CELSR1: variants seen among roughly 807,000 people sequenced by gnomAD.
CELSR1 encodes cadherin EGF LAG seven-pass G-type receptor 1.
Under a neutral mutation model 249.1 loss-of-function variants are expected in CELSR1, and 110 were observed. The observed-to-expected ratio is 0.44, with a 90% CI of 0.38 to 0.52. CELSR1 has a LOEUF of 0.52. Among genes scored for constraint, CELSR1 ranks in the 20% least tolerant of loss-of-function variants. The probability of loss-of-function intolerance (pLI) is 0.00; values close to 1 mark genes in which losing one functional copy is unlikely to be tolerated. For synonymous variants in CELSR1, 2,113 were observed against 1,900.0 expected (o/e 1.11, Z -2.92); for missense variants, 4,109 against 4,296.4 (o/e 0.96, Z 1.22).
At chr22:46,432,359 TAGA>T (rs1434057228) in intron 5 of CELSR1, among the ~76,000 whole-genome samples, 1 of 152,122 alleles carries the variant, frequency 6.6e-6, no homozygotes, top group African/African-American at 2.4e-5. Context: ...GCTCTCTCCA[TAGA>T]AGGACTGGGT....
chr22:46,524,231 C>A (rs1408339765), intron 1 of CELSR1, among the ~76,000 whole-genome samples: 1 of 152,222 alleles, frequency 6.6e-6, no homozygotes, highest in African/African-American at 2.4e-5. Context: ...TGAGACGATG[C>A]AGGCACAGAC....
At chr22:46,524,989 C>T (rs948495896) in intron 1 of CELSR1, among the ~76,000 whole-genome samples, 1 of 152,148 alleles carries the variant, frequency 6.6e-6, no homozygotes, top group Non-Finnish European at 1.5e-5. Flanking sequence ...TAATCCACAC[C>T]GCCTACCAGG....
intron 1 of CELSR1, among the ~76,000 whole-genome samples, chr22:46,522,033 T>C (rs1487930113): frequency 6.6e-6 from 1 of 152,210 alleles, no homozygotes; most frequent in Non-Finnish European, 1.5e-5. Flanking sequence ...TTGACCACAG[T>C]CATCCTAATG....
At chr22:46,475,213 G>C (rs1354980751) in intron 1 of CELSR1, among the ~76,000 whole-genome samples, 1 of 152,056 alleles carries the variant, frequency 6.6e-6, no homozygotes, top group Non-Finnish European at 1.5e-5. Flanking sequence ...AGCATTAGAT[G>C]AGTCAGGATA....
chr22:46,435,911 G>T (rs1281477073), intron 4 of CELSR1, among the ~76,000 whole-genome samples: 1 of 151,864 alleles, frequency 6.6e-6, no homozygotes, highest in Non-Finnish European at 1.5e-5. Flanking sequence ...ATGTTGGTCA[G>T]GCTGGTCTCG....
Position 46,536,675 on chromosome 22 carries a change from A to G in CELSR1, c.496T>C (p.Cys166Arg). Reference sequence around the variant, plus strand: ...GGCAGGCAGATGGGACGGCCGGGACAGCGGGGCCTGGGGCGCGGCGGGCAG... The same window carrying G: ...GGCAGGCAGATGGGACGGCCGGGACGGCGGGGCCTGGGGCGCGGCGGGCAG... ...CRCPPRPRPR[C>R]PGRPICLPPG... Residue 166 changes from cysteine to arginine, a missense_variant, in exon 1 of 35, where the codon TGT becomes CGT. Cys to Arg is a radical substitution (Grantham distance 180, BLOSUM62 -3). Around this residue, in one of 7 missense-constraint regions of CELSR1, gnomAD observed 673 missense variants for 636.8 expected, o/e 1.06. Coordinates refer to ENST00000674500, the MANE Select transcript of CELSR1 (RefSeq NM_001378328.1). 2 of 1,158,550 alleles carry G rather than the reference A, an allele frequency of 1.7e-6. No individual in the cohort carries two copies. The highest frequency in any genetic ancestry group is 2.1e-6 in the Non-Finnish European group (2 of 943,234). 71.8% of individuals were successfully genotyped at this position (1,158,550 alleles called of 1,614,324 possible).
rs2079572960 is a variant in CELSR1, at chr22:46,429,710, A to C, written c.4611+3683T>G. 2.0e-5 allele frequency among the ~76,000 whole-genome samples: 3 copies of C among 152,148 alleles called. No homozygotes were observed. Among genetic ancestry groups the C allele is most frequent in the Admixed American group, 1.3e-4 (2 of 15,270 alleles). The stretch of plus-strand genomic sequence containing the variant: ...GGGAGCCAGACGGGAGGATAGAGTG[A>C]GGGAGGGGAGGGGTGTCAGGAGGGT... On this transcript the variant is annotated intron_variant, in intron 5 of 34. Transcript: ENST00000674500. The surrounding 1 kb of genome is among the most constrained non-coding windows in gnomAD (Gnocchi z 4.1).
rs538085287 is a variant in CELSR1 at position 46,374,483 on chromosome 22, T to A, written c.7585-1426A>T. Among the ~76,000 whole-genome samples the A allele has an allele frequency of 2.0e-5, 3 of 152,016 alleles. No homozygotes were observed. The highest frequency in any genetic ancestry group is 7.2e-5 in the African/African-American group (3 of 41,380). ...TGAAAAACCTCGCCCAGAGATAGGA[T>A]TGTGGGTTTACAAAAAAACCATAAA... On this transcript the variant is annotated intron_variant, in intron 24 of 34. Coordinates refer to ENST00000674500, the MANE Select transcript of CELSR1 (RefSeq NM_001378328.1). This position sits in a 1 kb window ranked among gnomAD's most constrained non-coding sequence, Gnocchi z 4.3.
rs1450706160 is a variant in CELSR1, at chr22:46,436,314, C to T, written c.4407-25G>A. 1 of 1,592,576 alleles carries T rather than the reference C, an allele frequency of 6.3e-7. No individual in the cohort carries two copies. The highest frequency in any genetic ancestry group is 8.6e-7 in the Non-Finnish European group (1 of 1,161,042). On this transcript the variant is annotated intron_variant, in intron 3 of 34. Coordinates refer to ENST00000674500, the MANE Select transcript of CELSR1 (RefSeq NM_001378328.1). This position sits in a 1 kb window ranked among gnomAD's most constrained non-coding sequence, Gnocchi z 5.9. Reference sequence around the variant, plus strand: ...CCTGTGGGGCCAAGCAGAGGCACATCACAGGATGAAGACCCCAGGGTCCAA... The same window carrying T: ...CCTGTGGGGCCAAGCAGAGGCACATTACAGGATGAAGACCCCAGGGTCCAA...
rs751790068 is a variant in CELSR1 at position 46,534,550 on chromosome 22, T to G, written c.2621A>C (p.Asp874Ala). Residue 874 changes from aspartate (D) to alanine (A), a missense_variant, in exon 1 of 35, where the codon GAC becomes GCC. Physicochemically the swap from Asp to Ala is moderately radical, Grantham distance 126. Transcript: ENST00000674500. The surrounding 1 kb of genome is among the most constrained non-coding windows in gnomAD (Gnocchi z 9.7). ...GATGAGGATCTCTAGGGTGGTGGTG[T>G]CTGATTTCTGCGGGATGCCGTTGTC... ...AQDNGIPQKS[D>A]TTTLEILILD... 1.7e-5 allele frequency: 28 copies of G among 1,613,522 alleles called. No individual in the cohort carries two copies. Among genetic ancestry groups the G allele is most frequent in the South Asian group, 9.9e-5 (9 of 91,078 alleles).
rs561256070 is a variant in CELSR1, at chr22:46,501,526, C to T, written c.3544+32101G>A. Among the ~76,000 whole-genome samples, 3 of 152,152 alleles carry T rather than the reference C, an allele frequency of 2.0e-5. No homozygotes were observed. In the East Asian group the frequency reaches 5.8e-4, roughly 29 times the overall value. On this transcript the variant is annotated intron_variant, in intron 1 of 34. Transcript: ENST00000674500. The stretch of plus-strand genomic sequence containing the variant: ...CTGCCCCACTAAGAAAAGTTTTAAA[C>T]AGACATTTAAATAAGCTAATAGGAG...
chr22:46,379,621 T>C (rs2078955240), intron 22 of CELSR1, among the ~76,000 whole-genome samples: 1 of 152,220 alleles, frequency 6.6e-6, no homozygotes, highest in Non-Finnish European at 1.5e-5. Context: ...TGGTTGCTTA[T>C]TAACTAGAAC....
At chr22:46,365,097 C>G in intron 32 of CELSR1, 134 bp downstream of exon 32, 1 of 1,284,338 alleles carries the variant, frequency 7.8e-7, no homozygotes, top group Non-Finnish European at 1.0e-6. Flanking sequence ...AGTCCCCCCA[C>G]CCCAGGCTGT....
rs1348944060 is a variant in CELSR1, at chr22:46,380,450, C to T, written c.7256+338G>A. Among the ~76,000 whole-genome samples, 2 of 152,248 alleles carry T rather than the reference C, an allele frequency of 1.3e-5. No individual in the cohort carries two copies. The highest frequency in any genetic ancestry group is 6.5e-5 in the Admixed American group (1 of 15,292). On this transcript the variant is annotated intron_variant, in intron 22 of 34. Coordinates refer to ENST00000674500, the MANE Select transcript of CELSR1 (RefSeq NM_001378328.1). The surrounding 1 kb of genome is among the most constrained non-coding windows in gnomAD (Gnocchi z 5.1). ...TGGGCCTGTCTTATCCGGCGGTGAA[C>T]TGGGCACTACACTAGTGTTGGCCGC...
intron 1 of CELSR1, among the ~76,000 whole-genome samples, chr22:46,522,583 C>T (rs926121699): frequency 6.6e-6 from 1 of 152,082 alleles, no homozygotes; most frequent in African/African-American, 2.4e-5. Context: ...GATATTAATC[C>T]CTTATCACAT....
chr22:46,460,769 G>A (rs1190546729), intron 2 of CELSR1, among the ~76,000 whole-genome samples: 1 of 152,130 alleles, frequency 6.6e-6, no homozygotes, highest in Non-Finnish European at 1.5e-5. Context: ...CAGTCCCAAC[G>A]CCGTGAGCGG....
intron 1 of CELSR1, chr22:46,530,298 C>T (rs937267526): frequency 2.6e-5 from 4 of 151,014 alleles, no homozygotes; most frequent in Admixed American, 2.0e-4. Context: ...TATATATACA[C>T]ACACATAAAT....
At chr22:46,366,158 T>G (rs1387065443) in intron 30 of CELSR1, among the ~76,000 whole-genome samples, 1 of 4,552 alleles carries the variant, frequency 2.2e-4, no homozygotes, top group Non-Finnish European at 3.5e-4. Flanking sequence ...TTGGGGGAAG[T>G]TGGTGGGGGA....
At chr22:46,369,069 T>A in intron 27 of CELSR1, 110 bp downstream of exon 27, 5 of 889,972 alleles carry the variant, frequency 5.6e-6, no homozygotes, top group African/African-American at 1.7e-5. Flanking sequence ...CCCCCAGCCC[T>A]CCTCCATGAG....
Sources: allele counts gnomAD v4.1 joint callset (sites outside exome capture counted in the v4.1 genomes callset), GRCh38; gene constraint gnomAD v4.1.1; regional missense constraint gnomAD v4.1.1; non-coding constraint Gnocchi (gnomAD v3.1); transcripts MANE v1.5; gene names NCBI Gene and HGNC (gene_info 2026-07-23, HGNC 2026-07-21).